Variants in LIPE observed in about 807,000 individuals in gnomAD.
LIPE encodes the protein lipase E, hormone sensitive type.
LIPE carries 66 observed loss-of-function variants against 88.5 expected under a neutral mutation model. That is an observed-to-expected ratio of 0.75 (90% CI 0.61 to 0.91). The LOEUF (loss-of-function observed/expected upper bound fraction) is 0.91. Among genes scored for constraint, LIPE ranks in the 40% least tolerant of loss-of-function variants. The pLI is 0.00. For synonymous variants in LIPE, 570 were observed against 617.5 expected (o/e 0.92, Z 1.14); for missense variants, 1,346 against 1,434.7 (o/e 0.94, Z 1.00).
chr19:42,418,368 G>A (rs1285776193), intron 1 of LIPE, among the ~76,000 whole-genome samples: 1 of 152,148 alleles, frequency 6.6e-6, no homozygotes, highest in Non-Finnish European at 1.5e-5. Context: ...TGAGTGAATC[G>A]AAGCAGAAAA....
chr19:42,403,001 G>A lies in LIPE; in HGVS notation c.2573C>T (p.Ala858Val), dbSNP rs751713106. Residue 858 changes from alanine (A) to valine (V), a missense_variant, in exon 9 of 10, where the codon GCA becomes GTA. By Grantham distance (64) the Ala-to-Val change is moderately conservative. Coordinates refer to ENST00000244289, the MANE Select transcript of LIPE (RefSeq NM_005357.4). The part of the protein sequence containing the change: ...EPMRRSVSEA[A>V]LAQPQGPLGT... The stretch of plus-strand genomic sequence containing the variant: ...CAGTGGGCCCTGGGGCTGGGCCAGT[G>A]CTGCTTCAGACACACTGCGGCGCAT... 45 of 1,592,966 alleles carry A rather than the reference G, an allele frequency of 2.8e-5. No individual in the cohort carries two copies. Among genetic ancestry groups the A allele is most frequent in the Non-Finnish European group, 3.8e-5 (44 of 1,172,664 alleles).
In LIPE at chr19:42,401,822, C is replaced by G. The variant is rs201301144; in HGVS notation, c.3221G>C (p.Gly1074Ala). ...GGGAACAACAGGCTTTTAGTGTCGCCCCCCGCAGCCCCCGTCTACCCCCGC... is the reference window on the plus strand; with the variant it reads ...GGGAACAACAGGCTTTTAGTGTCGCGCCCCGCAGCCCCCGTCTACCCCCGC... ...GAAGVDGGCGGRH is the reference protein window; with the variant it reads ...GAAGVDGGCGARH Residue 1074 changes from glycine (G) to alanine (A), a missense_variant, in exon 10 of 10, where the codon GGG (glycine) becomes GCG (alanine). Coordinates refer to ENST00000244289, the MANE Select transcript of LIPE (RefSeq NM_005357.4). 2.8e-3 allele frequency: 4,103 copies of G among 1,477,752 alleles called. 8 individuals carry two copies. The highest frequency in any genetic ancestry group is 3.0e-3 in the Non-Finnish European group (3,339 of 1,116,188). The allele number at this position is 1,477,752 out of a possible 1,614,324, so 91.5% of individuals were successfully genotyped here. A position where few individuals can be genotyped will look rare whatever the true frequency, so the allele number is the denominator to read the frequency against.
intron 1 of LIPE, among the ~76,000 whole-genome samples, chr19:42,422,520 C>A (rs543519038): frequency 6.6e-6 from 1 of 152,254 alleles, no homozygotes; most frequent in Non-Finnish European, 1.5e-5. Context: ...CTATTCTGGG[C>A]TAATGATGTG....
intron 9 of LIPE, among the ~76,000 whole-genome samples, 154 bp from the exon 10 acceptor site, chr19:42,402,229 G>GGGAGAGAAT (rs1237475996): frequency 1.3e-5 from 2 of 152,046 alleles, no homozygotes; most frequent in African/African-American, 2.4e-5. Context: ...TGAGGAGTTG[G>GGGAGAGAAT]GGAGAGAATG....
Position 42,407,701 on chromosome 19 carries a change from G to A in LIPE, c.1747C>T (p.Pro583Ser). Residue 583 changes from proline to serine, a missense_variant, in exon 5 of 10, where the codon CCC (proline) becomes TCC (serine). Coordinates refer to ENST00000244289, the MANE Select transcript of LIPE (RefSeq NM_005357.4). The surrounding 1 kb of genome is among the most constrained non-coding windows in gnomAD (Gnocchi z 5.8). ...EAFEMPLTAD[P>S]TLTVTISPPL... ...GGTGAGATGGTGACCGTGAGCGTGG[G>A]GTCGGCAGTCAGTGGCATCTCAAAG... The A allele has an allele frequency of 6.3e-7, 1 of 1,591,636 alleles. No homozygotes were observed. The highest frequency in any genetic ancestry group is 8.5e-7 in the Non-Finnish European group (1 of 1,170,210).
chr19:42,406,388 C>G lies in LIPE; in HGVS notation c.2138G>C (p.Gly713Ala), dbSNP rs774987466. ...CWAIKHCALL[G>A]STGERICLAG... ...AAGGCAGATTCGTTCCCCTGTTGAG[C>G]CTGGTTTGGGAGAGGGGTGGTTGGT... is the stretch of plus-strand genomic sequence containing the variant. The change falls in exon 7 of 10, where the codon GGC becomes GCC. Residue 713 changes from glycine (G) to alanine (A), a missense_variant and splice_region_variant. By Grantham distance (60) the Gly-to-Ala change is moderately conservative. Transcript: ENST00000244289. This position sits in a 1 kb window ranked among gnomAD's most constrained non-coding sequence, Gnocchi z 5.7. 5.0e-6 allele frequency: 8 copies of G among 1,611,740 alleles called. No individual in the cohort carries two copies. The African/African-American group carries it at 1.1e-4, about 22-fold the overall frequency.
At chr19:42,403,061 T>A (rs1379614740) in intron 8 of LIPE, 30 bp from the exon 9 acceptor site, 1 of 1,508,680 alleles carries the variant, frequency 6.6e-7, no homozygotes, top group African/African-American at 1.4e-5. Flanking sequence ...TAGGCCTGGC[T>A]CCGTTAGTTT....
At position 42,414,567 on chromosome 19, in the gene LIPE, A is replaced by G. The variant is rs1048601700; in HGVS notation, c.884-3725T>C. 6.6e-6 allele frequency among the ~76,000 whole-genome samples: 1 copy of G among 152,222 alleles called. No homozygotes were observed. Among genetic ancestry groups the G allele is most frequent in the Non-Finnish European group, 1.5e-5 (1 of 68,048 alleles). ...CTTGTCACCATCTAGCATACTATAC[A>G]GTTTACTACAGGAATACCTTGCTTC... On this transcript the variant is annotated intron_variant, in intron 1 of 9. Transcript: ENST00000244289. The surrounding 1 kb of genome is among the most constrained non-coding windows in gnomAD (Gnocchi z 4.6).
At position 42,407,313 on chromosome 19, in the gene LIPE, G is replaced by A. The variant is rs767572473; in HGVS notation, c.1998C>T (p.Tyr666=). 83 of 1,611,812 alleles carry A rather than the reference G, an allele frequency of 5.1e-5. No individual in the cohort carries two copies. The East Asian group carries it at 1.1e-3, about 22-fold the overall frequency. Residue 666 remains tyrosine (Y), a synonymous_variant, in exon 6 of 10, where the codon TAC becomes TAT. Coordinates refer to ENST00000244289, the MANE Select transcript of LIPE (RefSeq NM_005357.4). This position sits in a 1 kb window ranked among gnomAD's most constrained non-coding sequence, Gnocchi z 5.8. ...CCAGCTCCTGGGCCCAGCTCTTGAG[G>A]TAGGGCTCGTGGGATCTGGAGGTCT... is the stretch of plus-strand genomic sequence containing the variant. ...VAQTSRSHEP[Y]LKSWAQELGA... is the part of the protein sequence containing the mutation.
chr19:42,402,820 T>G lies in LIPE; in HGVS notation c.2754A>C (p.Ala918=), dbSNP rs1175709154. The G allele has an allele frequency of 1.2e-6, 2 of 1,613,452 alleles. No individual in the cohort carries two copies. The highest frequency in any genetic ancestry group is 1.7e-6 in the Non-Finnish European group (2 of 1,179,530). ...CATTTTTGGCCTCAGCCTCTTCCCCTGCATCCTCAGGTGGTAATAAGAAGT... is the reference window on the plus strand; with the variant it reads ...CATTTTTGGCCTCAGCCTCTTCCCCGGCATCCTCAGGTGGTAATAAGAAGT... ...DVNFLLPPED[A]GEEAEAKNEL... Residue 918 remains alanine (A), a synonymous_variant, in exon 9 of 10, where the codon GCA becomes GCC. Transcript: ENST00000244289.
chr19:42,411,696 A>G (rs2040379366), intron 1 of LIPE, among the ~76,000 whole-genome samples: 1 of 152,074 alleles, frequency 6.6e-6, no homozygotes, highest in African/African-American at 2.4e-5. Flanking sequence ...CCCAAAACTC[A>G]GTCTTGCTTC....
Position 42,410,534 on chromosome 19 carries a change from G to A in LIPE, c.1192C>T (p.Arg398Cys), listed in dbSNP as rs1366689109. 12 of 1,612,710 alleles carry A rather than the reference G, an allele frequency of 7.4e-6. No individual in the cohort carries two copies. Among genetic ancestry groups the A allele is most frequent in the East Asian group, 4.5e-5 (2 of 44,886 alleles). ...LHKSRYVASNRRSIFFRTSHN... is the reference protein window; with the variant it reads ...LHKSRYVASNCRSIFFRTSHN... ...CTGGTGCGGAAGAAGATGCTGCGGC[G>A]GTTGGAGGCCACATAGCGGGATTTG... The change falls in exon 2 of 10, where the codon CGC becomes TGC. Residue 398 changes from arginine to cysteine, a missense_variant. Coordinates refer to ENST00000244289, the MANE Select transcript of LIPE (RefSeq NM_005357.4). The surrounding 1 kb of genome is among the most constrained non-coding windows in gnomAD (Gnocchi z 6.1).
intron 1 of LIPE, among the ~76,000 whole-genome samples, chr19:42,419,918 C>T (rs1404877562): frequency 1.3e-5 from 2 of 151,920 alleles, no homozygotes; most frequent in Non-Finnish European, 2.9e-5. Flanking sequence ...AAATAGGGAT[C>T]GAGTCTAGCT....
At position 42,401,828 on chromosome 19, in the gene LIPE, C is replaced by T; in HGVS notation, c.3215G>A (p.Cys1072Tyr). Residue 1072 changes from cysteine to tyrosine, a missense_variant, in exon 10 of 10, where the codon TGC becomes TAC. Coordinates refer to ENST00000244289, the MANE Select transcript of LIPE (RefSeq NM_005357.4). ...ETGAAGVDGG[C>Y]GGRH ...AACAGGCTTTTAGTGTCGCCCCCCG[C>T]AGCCCCCGTCTACCCCCGCAGCCCC... 6.8e-7 allele frequency: 1 copy of T among 1,481,282 alleles called. No individual in the cohort carries two copies. The highest frequency in any genetic ancestry group is 9.0e-7 in the Non-Finnish European group (1 of 1,116,874). 91.8% of individuals were successfully genotyped at this position (1,481,282 alleles called of 1,614,324 possible).
chr19:42,426,975 T>G lies in LIPE; in HGVS notation c.175A>C (p.Thr59Pro). The G allele has an allele frequency of 6.2e-7, 1 of 1,613,964 alleles. No homozygotes were observed. The highest frequency in any genetic ancestry group is 8.5e-7 in the Non-Finnish European group (1 of 1,179,994). ...QKPASNQRPL[T>P]QQETPAQHDA... ...TGTTGTGCAGGGGTCTCCTGCTGGG[T>G]GAGGGGTCTTTGGTTTGAAGCAGGC... The change falls in exon 1 of 10, where the codon ACC becomes CCC. Residue 59 changes from threonine (T) to proline (P), a missense_variant. Thr to Pro is a conservative substitution (Grantham distance 38, BLOSUM62 -1). Transcript: ENST00000244289.
chr19:42,401,714 G>GGCC lies in LIPE; in HGVS notation c.*97_*98insGGC. On this transcript the variant is annotated 3_prime_UTR_variant, in exon 10 of 10. Transcript: ENST00000244289. ...TTTCGGGCCCCCGCCCCGCCCCCTT[G>GGCC]CCACCCCCGACTTAAGTAAGGCACA... 1.4e-4 allele frequency: 20 copies of GGCC among 143,810 alleles called. No homozygotes were observed. Among genetic ancestry groups the GGCC allele is most frequent in the East Asian group, 2.3e-4 (2 of 8,552 alleles). 8.9% of individuals were successfully genotyped at this position (143,810 alleles called of 1,614,324 possible). A position where few individuals can be genotyped will look rare whatever the true frequency, so the allele number is the denominator to read the frequency against.
Position 42,410,701 on chromosome 19 carries a change from C to A in LIPE, c.1025G>T (p.Arg342Leu). The stretch of plus-strand genomic sequence containing the variant: ...CGGCTCCAGCCCCAGCGCCTGCTCC[C>A]GTACACCGGCAAAAACGCCTGACAG... ...QRLSGVFAGV[R>L]EQALGLEPAL... The change falls in exon 2 of 10, where the codon CGG (arginine) becomes CTG (leucine). Residue 342 changes from arginine (R) to leucine (L), a missense_variant. By Grantham distance (102) the Arg-to-Leu change is moderately radical. Transcript: ENST00000244289. The surrounding 1 kb of genome is among the most constrained non-coding windows in gnomAD (Gnocchi z 6.1). 6.2e-7 allele frequency: 1 copy of A among 1,613,712 alleles called. No homozygotes were observed. The highest frequency in any genetic ancestry group is 8.5e-7 in the Non-Finnish European group (1 of 1,179,752).
chr19:42,427,042 C>G lies in LIPE; in HGVS notation c.108G>C (p.Gln36His), dbSNP rs2040721704. ...EPGPEKTPIA[Q>H]PESKTLQGSN... The stretch of plus-strand genomic sequence containing the variant: ...ATCCCTGCAGAGTCTTCGATTCTGG[C>G]TGGGCTATGGGTGTCTTTTCTGGCC... The change falls in exon 1 of 10, where the codon CAG (glutamine) becomes CAC (histidine). Residue 36 changes from glutamine (Q) to histidine (H), a missense_variant. Physicochemically the swap from Gln to His is conservative, Grantham distance 24 (BLOSUM62 0). Transcript: ENST00000244289. 1 of 1,613,650 alleles carries G rather than the reference C, an allele frequency of 6.2e-7. No individual in the cohort carries two copies. The highest frequency in any genetic ancestry group is 8.5e-7 in the Non-Finnish European group (1 of 1,179,912).
chr19:42,403,965 C>T (rs1180773717), intron 8 of LIPE, among the ~76,000 whole-genome samples: 1 of 152,194 alleles, frequency 6.6e-6, no homozygotes, highest in Non-Finnish European at 1.5e-5. Context: ...GATACACTTC[C>T]AGCCCACCTG....
Sources: allele counts gnomAD v4.1 joint callset (sites outside exome capture counted in the v4.1 genomes callset), GRCh38; gene constraint gnomAD v4.1.1; non-coding constraint Gnocchi (gnomAD v3.1); transcripts MANE v1.5; gene names NCBI Gene and HGNC (gene_info 2026-07-23, HGNC 2026-07-21).